THSD4: variants seen among roughly 807,000 people sequenced by gnomAD.
THSD4 encodes the protein thrombospondin type-1 domain-containing protein 4.
In THSD4, 69 loss-of-function variants were observed where a neutral mutation model predicts 119.0. That is an observed-to-expected ratio of 0.58 (90% CI 0.48 to 0.71). THSD4 has a LOEUF of 0.71. THSD4 is among the 30% of genes least tolerant of loss of function. The probability of loss-of-function intolerance (pLI) is 0.00; values close to 1 mark genes in which losing one functional copy is unlikely to be tolerated. For synonymous variants in THSD4, 524 were observed against 540.4 expected, an observed-to-expected ratio of 0.97 and a Z score of 0.42; for missense variants, 1,393 against 1,391.1, an observed-to-expected ratio of 1.00 and a Z score of -0.02.
intron 7 of THSD4, chr15:71,549,910 T>G (rs1170949596): frequency 6.6e-6 from 1 of 152,612 alleles, no homozygotes; most frequent in South Asian, 2.1e-4. Context: ...CAAGCCTTGT[T>G]TGGCGTCCTG....
intron 7 of THSD4, chr15:71,547,275 A>AG: frequency 3.4e-6 from 5 of 1,474,628 alleles, no homozygotes; most frequent in Non-Finnish European, 4.5e-6. Context: ...CAGTACAGTG[A>AG]GGGAGAGCCG....
intron 7 of THSD4, among the ~76,000 whole-genome samples, chr15:71,586,168 G>A (rs1460598980): frequency 6.6e-6 from 1 of 152,078 alleles, no homozygotes; most frequent in Non-Finnish European, 1.5e-5. Flanking sequence ...TGGATTGAAG[G>A]GGCAGATACC....
chr15:71,299,976 A>AAAAATATATATATATATATAT (rs1555462049), intron 6 of THSD4, among the ~76,000 whole-genome samples: 1 of 48,308 alleles, frequency 2.1e-5, no homozygotes, highest in African/African-American at 7.7e-5. Flanking sequence ...AAAAAAAAAA[A>AAAAATATATATATATATATAT]ATATATATAT....
chr15:71,270,603 G>A (rs987151434), intron 6 of THSD4, among the ~76,000 whole-genome samples: 3 of 152,096 alleles, frequency 2.0e-5, no homozygotes, highest in African/African-American at 4.8e-5. Context: ...ACTTGCCCAC[G>A]GTCACCTAGC....
chr15:71,103,853 A>G (rs2040263263), intron 1 of THSD4, among the ~76,000 whole-genome samples: 1 of 151,658 alleles, frequency 6.6e-6, no homozygotes, highest in Non-Finnish European at 1.5e-5. Context: ...TGTGTTTTAG[A>G]GAGGACTTCT....
intron 6 of THSD4, among the ~76,000 whole-genome samples, chr15:71,401,317 A>G (rs989261605): frequency 1.3e-5 from 2 of 152,184 alleles, no homozygotes; most frequent in Admixed American, 6.5e-5. Context: ...CCCATTATTA[A>G]TAACTGCACA....
chr15:71,632,103 C>T (rs2050642351), intron 7 of THSD4, among the ~76,000 whole-genome samples: 2 of 152,194 alleles, frequency 1.3e-5, no homozygotes, highest in African/African-American at 4.8e-5. Context: ...ATGAGATAAT[C>T]CATGAAAAGC....
chr15:71,223,218 A>G (rs762357628), intron 4 of THSD4, among the ~76,000 whole-genome samples: 8 of 152,214 alleles, frequency 5.3e-5, no homozygotes, highest in South Asian at 2.1e-4. Context: ...ATCTCCTTCA[A>G]GGTCACGCAG....
intron 6 of THSD4, among the ~76,000 whole-genome samples, chr15:71,286,474 C>A (rs1014578564): frequency 7.9e-5 from 12 of 152,204 alleles, no homozygotes; most frequent in Non-Finnish European, 1.3e-4. Context: ...CATGTCCCTG[C>A]AAAGCACATG....
At chr15:71,702,937 GA>G (rs1172441785) in intron 8 of THSD4, among the ~76,000 whole-genome samples, 1 of 151,960 alleles carries the variant, frequency 6.6e-6, no homozygotes, top group African/African-American at 2.4e-5. Context: ...GAGTTTGAGT[GA>G]ATGAGCAAAT....
intron 8 of THSD4, among the ~76,000 whole-genome samples, chr15:71,681,458 C>T (rs912083675): frequency 6.6e-6 from 1 of 151,788 alleles, no homozygotes; most frequent in Non-Finnish European, 1.5e-5. Flanking sequence ...AGGTGGATCA[C>T]CTGAGGTCAG....
At chr15:71,249,664 G>T (rs1371863040) in intron 5 of THSD4, among the ~76,000 whole-genome samples, 4 of 151,354 alleles carry the variant, frequency 2.6e-5, no homozygotes, top group African/African-American at 9.7e-5. Flanking sequence ...ATTTTTCATG[G>T]TTATAAAAAG....
chr15:71,372,400 C>T (rs1369214688), intron 6 of THSD4, among the ~76,000 whole-genome samples: 1 of 152,206 alleles, frequency 6.6e-6, no homozygotes. Context: ...TTTTCCCCAT[C>T]TTTGTGGTTT....
intron 11 of THSD4, among the ~76,000 whole-genome samples, chr15:71,738,986 T>C (rs1287390973): frequency 6.6e-6 from 1 of 151,230 alleles, no homozygotes; most frequent in East Asian, 2.0e-4. Flanking sequence ...TATTCATTAA[T>C]AAACGGAATA....
chr15:71,711,421 G>C (rs190597829), intron 8 of THSD4, among the ~76,000 whole-genome samples: 2 of 151,674 alleles, frequency 1.3e-5, no homozygotes, highest in African/African-American at 4.8e-5. Flanking sequence ...TTAACACCTG[G>C]ACAACAACTA....
chr15:71,582,703 T>C (rs1470196027), intron 7 of THSD4, among the ~76,000 whole-genome samples: 1 of 152,176 alleles, frequency 6.6e-6, no homozygotes, highest in Non-Finnish European at 1.5e-5. Flanking sequence ...TTGAATTTTG[T>C]CAAATGCTTT....
At chr15:71,269,944 TAA>T (rs1654341127) in intron 6 of THSD4, among the ~76,000 whole-genome samples, 2 of 152,028 alleles carry the variant, frequency 1.3e-5, no homozygotes, top group Non-Finnish European at 1.5e-5. Flanking sequence ...CTCAAGGAAA[TAA>T]GAGAGGACAC....
intron 6 of THSD4, among the ~76,000 whole-genome samples, chr15:71,406,646 G>C (rs1189024644): frequency 2.4e-3 from 16 of 6,640 alleles, no homozygotes; most frequent in African/African-American, 6.8e-3. Context: ...TTTGTTTGGT[G>C]TGTGTGTGTG....
chr15:71,250,358 G>A (rs1003311801), intron 5 of THSD4, among the ~76,000 whole-genome samples: 1 of 152,172 alleles, frequency 6.6e-6, no homozygotes, highest in African/African-American at 2.4e-5. Flanking sequence ...TTTTGCTTGA[G>A]TCAGGGTCTC....
Sources: allele counts gnomAD v4.1 joint callset (sites outside exome capture counted in the v4.1 genomes callset), GRCh38; gene constraint gnomAD v4.1.1; transcripts MANE v1.5; gene names NCBI Gene and HGNC (gene_info 2026-07-23, HGNC 2026-07-21).